The following KLHL23 variants were observed in gnomAD, a reference collection of about 807,000 sequenced individuals.
KLHL23 encodes kelch-like protein 23.
KLHL23 carries 33 observed loss-of-function variants against 48.9 expected under a neutral mutation model. The observed-to-expected ratio is 0.67, with a 90% CI of 0.51 to 0.90. The LOEUF (loss-of-function observed/expected upper bound fraction) is 0.90, where lower values mean the gene tolerates loss of function less well. Ranked by LOEUF, KLHL23 falls within the 40% of genes least tolerant of loss-of-function variation. KLHL23 has a pLI of 0.00. For missense variants in KLHL23, 608 were observed against 669.6 expected (o/e 0.91, Z 1.02); for synonymous variants, 234 against 231.6 (o/e 1.01, Z -0.09).
chr2:169,740,671 A>G (rs1021697038), intron 2 of KLHL23, among the ~76,000 whole-genome samples: 2 of 149,696 alleles, frequency 1.3e-5, no homozygotes, highest in African/African-American at 4.9e-5. Flanking sequence ...GATGGTCTCA[A>G]TCTCCTGACC....
chr2:169,740,684 G>A lies in KLHL23; in HGVS notation c.1214-701G>A, dbSNP rs560597352. On this transcript the variant is annotated intron_variant, in intron 2 of 3. Transcript: ENST00000392647. The stretch of plus-strand genomic sequence containing the variant: ...AGGATGGTCTCAATCTCCTGACCTC[G>A]TGATCCACCCACCTTGACCTCCCAA... 1.7e-3 allele frequency among the ~76,000 whole-genome samples: 261 copies of A among 149,708 alleles called. 1 individual carries two copies. In the Middle Eastern group the frequency reaches 0.029, roughly 16 times the overall value.
Position 169,749,985 on chromosome 2 carries a change from A to ATG in KLHL23, c.*253_*254insTG, listed in dbSNP as rs1210115118. 2.4e-4 allele frequency: 25 copies of ATG among 102,332 alleles called. 1 individual carries two copies. Among genetic ancestry groups the ATG allele is most frequent in the South Asian group, 2.2e-3 (9 of 4,136 alleles). The allele number at this position is 102,332 out of a possible 1,614,324, so 6.3% of individuals were successfully genotyped here. A position where few individuals can be genotyped will look rare whatever the true frequency, so the allele number is the denominator to read the frequency against. On this transcript the variant is annotated 3_prime_UTR_variant, in exon 4 of 4. Coordinates refer to ENST00000392647, the MANE Select transcript of KLHL23 (RefSeq NM_144711.6). The stretch of plus-strand genomic sequence containing the variant: ...TGTATACATATATATGTGTATATAT[A>ATG]CGTATGTATACATATATGTGTATAT...
In KLHL23 at chr2:169,735,047, T is replaced by A. The variant is rs564538520; in HGVS notation, c.33T>A (p.Tyr11Ter). The A allele has an allele frequency of 6.4e-7, 1 of 1,574,080 alleles. No homozygotes were observed. The highest frequency in any genetic ancestry group is 2.2e-5 in the East Asian group (1 of 44,520). The stretch of plus-strand genomic sequence containing the variant: ...TAAAAGGACAAGAAGATTATATTTA[T>A]CTTTTCAAGGATTCAACACATCCAG... MALKGQEDYIYLFKDSTHPVD... is the reference protein window; with the variant it reads MALKGQEDYI Residue 11 changes from tyrosine (Y) to a stop codon, truncating the protein, a stop_gained, in exon 2 of 4, where the codon TAT becomes TAA. Transcript: ENST00000392647. LOFTEE classifies it high-confidence loss of function. The surrounding 1 kb of genome is among the most constrained non-coding windows in gnomAD (Gnocchi z 4.5).
At chr2:169,734,195 GA>G (rs1471634240) in intron 1 of KLHL23, 108 bp downstream of exon 1, 2 of 147,436 alleles carry the variant, frequency 1.4e-5, no homozygotes, top group East Asian at 3.9e-4. Context: ...CGCGGGCAGC[GA>G]GGCCGCGCGG....
chr2:169,749,377 G>C, intron 3 of KLHL23, 45 bp from the exon 4 acceptor site: 2 of 1,495,960 alleles, frequency 1.3e-6, no homozygotes, highest in African/African-American at 2.8e-5. Flanking sequence ...TCTTTTGTTT[G>C]TTATCCTTTA....
chr2:169,745,753 G>A lies in KLHL23; in HGVS notation c.1367-3669G>A, dbSNP rs183196188. ...GAAGGAGAGAAAGGAGTTGACAGTC[G>A]TCTCAGGGTCTCTGGCCGGTTGTCT... On this transcript the variant is annotated intron_variant, in intron 3 of 3. Coordinates refer to ENST00000392647, the MANE Select transcript of KLHL23 (RefSeq NM_144711.6). Among the ~76,000 whole-genome samples the A allele has an allele frequency of 3.0e-4, 45 of 152,258 alleles. No individual in the cohort carries two copies. In the East Asian group the frequency reaches 6.9e-3, roughly 23 times the overall value.
intron 3 of KLHL23, among the ~76,000 whole-genome samples, chr2:169,747,587 C>T (rs1451956389): frequency 1.3e-5 from 2 of 151,530 alleles, no homozygotes; most frequent in African/African-American, 2.4e-5. Flanking sequence ...CAGGTGTGCA[C>T]CACCACATTC....
chr2:169,740,272 G>T (rs75885381), intron 2 of KLHL23, among the ~76,000 whole-genome samples: 16 of 150,336 alleles, frequency 1.1e-4, no homozygotes, highest in African/African-American at 3.9e-4. Context: ...GCTATCACAC[G>T]TGGCTACTTT....
intron 3 of KLHL23, among the ~76,000 whole-genome samples, chr2:169,749,054 AG>A (rs1688876302): frequency 2.0e-5 from 3 of 152,136 alleles, no homozygotes; most frequent in Admixed American, 2.0e-4. Flanking sequence ...CTGCTTATCG[AG>A]GGTATCTTTC....
intron 3 of KLHL23, among the ~76,000 whole-genome samples, chr2:169,744,946 T>G (rs1423472755): frequency 6.6e-6 from 1 of 151,086 alleles, no homozygotes; most frequent in African/African-American, 2.4e-5. Flanking sequence ...GTTTTTTGTT[T>G]TTTTTTTTTT....
chr2:169,737,188 C>T (rs531587954), intron 2 of KLHL23, among the ~76,000 whole-genome samples: 23 of 152,318 alleles, frequency 1.5e-4, no homozygotes, highest in African/African-American at 4.6e-4. Context: ...TACCTAGTCT[C>T]GGATCATTGA....
At chr2:169,737,908 A>G (rs1393471739) in intron 2 of KLHL23, among the ~76,000 whole-genome samples, 1 of 152,134 alleles carries the variant, frequency 6.6e-6, no homozygotes, top group Non-Finnish European at 1.5e-5. Flanking sequence ...GGTTCAGAGT[A>G]TATTTCTTTG....
At chr2:169,740,788 A>G (rs1220083244) in intron 2 of KLHL23, among the ~76,000 whole-genome samples, 6 of 133,212 alleles carry the variant, frequency 4.5e-5, no homozygotes, top group Non-Finnish European at 9.6e-5. Flanking sequence ...ATATATATAT[A>G]TATAACTTAT....
rs1215589076 is a variant in KLHL23, at chr2:169,733,848, G to C, written c.-242G>C. 2 of 152,178 alleles carry C rather than the reference G, an allele frequency of 1.3e-5. No individual in the cohort carries two copies. Among genetic ancestry groups the C allele is most frequent in the East Asian group, 1.9e-4 (1 of 5,158 alleles). The allele number at this position is 152,178 out of a possible 1,614,324, so 9.4% of individuals were successfully genotyped here. ...GCACGCCCCGCCCCGCTCGCCGCAC[G>C]GCCCGGCGACGGGGGAGTTCCCGCG... On this transcript the variant is annotated 5_prime_UTR_variant, in exon 1 of 4. Coordinates refer to ENST00000392647, the MANE Select transcript of KLHL23 (RefSeq NM_144711.6).
chr2:169,736,009 A>T lies in KLHL23; in HGVS notation c.995A>T (p.Asn332Ile), dbSNP rs780717059. The change falls in exon 2 of 4, where the codon AAC becomes ATC. Residue 332 changes from asparagine to isoleucine, a missense_variant. Physicochemically the swap from Asn to Ile is moderately radical, Grantham distance 149 (BLOSUM62 -3). Transcript: ENST00000392647. The stretch of plus-strand genomic sequence containing the variant: ...GTAACTGGGGGCTACAGGACGGATA[A>T]CATAGAAGCTCTTGACACAGTGTGG... The part of the protein sequence containing the change: ...IYVTGGYRTD[N>I]IEALDTVWIY... 3 of 1,614,102 alleles carry T rather than the reference A, an allele frequency of 1.9e-6. No individual in the cohort carries two copies. The highest frequency in any genetic ancestry group is 2.5e-6 in the Non-Finnish European group (3 of 1,180,052).
chr2:169,737,342 G>A (rs569809099), intron 2 of KLHL23, among the ~76,000 whole-genome samples: 1 of 152,326 alleles, frequency 6.6e-6, no homozygotes, highest in South Asian at 2.1e-4. Context: ...TTGATTTCAT[G>A]TGAAGTTGTG....
At position 169,735,801 on chromosome 2, in the gene KLHL23, A is replaced by T; in HGVS notation, c.787A>T (p.Met263Leu). The T allele has an allele frequency of 6.2e-7, 1 of 1,614,132 alleles. No homozygotes were observed. Among genetic ancestry groups the T allele is most frequent in the Non-Finnish European group, 8.5e-7 (1 of 1,180,044 alleles). ...RSLIYNALNP[M>L]HKEISQRSTA... is the part of the protein sequence containing the mutation. The stretch of plus-strand genomic sequence containing the variant: ...CCTAATATACAATGCCTTGAATCCC[A>T]TGCATAAAGAGATTTCCCAGAGGTC... The change falls in exon 2 of 4, where the codon ATG becomes TTG. Residue 263 changes from methionine (M) to leucine (L), a missense_variant. By Grantham distance (15) the Met-to-Leu change is conservative. Transcript: ENST00000392647. This position sits in a 1 kb window ranked among gnomAD's most constrained non-coding sequence, Gnocchi z 4.5.
At chr2:169,734,315 GACGCGGGCACCGGGCCCGCGGGCGGC>G (rs1396437996) in intron 1 of KLHL23, among the ~76,000 whole-genome samples, 2 of 147,542 alleles carry the variant, frequency 1.4e-5, no homozygotes, top group South Asian at 2.1e-4. Flanking sequence ...CGGGCAGAGG[GACGCGGGCACCGGGCCCGCGGGCGGC>G]ACGCGGCGCC....
intron 2 of KLHL23, chr2:169,740,907 A>G (rs1374003001): frequency 2.0e-5 from 3 of 152,356 alleles, no homozygotes; most frequent in East Asian, 1.9e-4. Flanking sequence ...AGAGTCATCA[A>G]TATCACTGTC....
Sources: allele counts gnomAD v4.1 joint callset (sites outside exome capture counted in the v4.1 genomes callset), GRCh38; gene constraint gnomAD v4.1.1; non-coding constraint Gnocchi (gnomAD v3.1); transcripts MANE v1.5; gene names NCBI Gene and HGNC (gene_info 2026-07-23, HGNC 2026-07-21).